DGKB: variants seen among roughly 807,000 people sequenced by gnomAD.
DGKB encodes the protein 90 kDa diacylglycerol kinase.
DGKB carries 67 observed loss-of-function variants against 114.3 expected under a neutral mutation model. The observed-to-expected ratio is 0.59, with a 90% CI of 0.48 to 0.72. The LOEUF is 0.72. Ranked by LOEUF, DGKB falls within the 30% of genes least tolerant of loss-of-function variation. The pLI is 0.00. For synonymous variants in DGKB, 398 were observed against 323.1 expected (o/e 1.23, Z -2.49); for missense variants, 907 against 975.2 (o/e 0.93, Z 0.93).
At chr7:14,485,206 G>C (rs1584308006) in intron 20 of DGKB, among the ~76,000 whole-genome samples, 1 of 150,998 alleles carries the variant, frequency 6.6e-6, no homozygotes, top group East Asian at 2.0e-4. Flanking sequence ...TCTGAGGAAT[G>C]ATACAAGCTC....
chr7:14,921,781 A>G (rs1002847726), intron 1 of DGKB, among the ~76,000 whole-genome samples: 2 of 152,170 alleles, frequency 1.3e-5, no homozygotes, highest in African/African-American at 4.8e-5. Context: ...TTTGACAACT[A>G]TACTAAGGAA....
intron 20 of DGKB, among the ~76,000 whole-genome samples, chr7:14,528,444 T>A (rs190089250): frequency 6.6e-6 from 1 of 152,226 alleles, no homozygotes; most frequent in African/African-American, 2.4e-5. Context: ...AGGGTGACTA[T>A]GTAATCAAAG....
chr7:14,499,217 C>T (rs1005334366), intron 20 of DGKB, among the ~76,000 whole-genome samples: 2 of 151,524 alleles, frequency 1.3e-5, no homozygotes, highest in Admixed American at 6.6e-5. Context: ...ATTTTCTGCC[C>T]CTTTTACTGC....
intron 21 of DGKB, among the ~76,000 whole-genome samples, chr7:14,461,532 C>T (rs1833082697): frequency 6.6e-6 from 1 of 152,100 alleles, no homozygotes; most frequent in African/African-American, 2.4e-5. Flanking sequence ...TGGACACATA[C>T]ACCCTCCCAA....
intron 7 of DGKB, among the ~76,000 whole-genome samples, chr7:14,698,624 T>C (rs546413986): frequency 3.3e-5 from 5 of 152,230 alleles, no homozygotes; most frequent in East Asian, 3.9e-4. Context: ...TAGTCATGTA[T>C]TGAATAATTT....
At chr7:14,493,867 T>C (rs1426752092) in intron 20 of DGKB, among the ~76,000 whole-genome samples, 1 of 151,724 alleles carries the variant, frequency 6.6e-6, no homozygotes, top group African/African-American at 2.4e-5. Context: ...TTATCCAGCA[T>C]GTAAACTTCT....
At chr7:14,320,552 C>CTATATAGTACATATATATATGTGTACA (rs1354916675) in intron 23 of DGKB, among the ~76,000 whole-genome samples, 13 of 150,418 alleles carry the variant, frequency 8.6e-5, no homozygotes, top group Non-Finnish European at 1.8e-4. Context: ...CATATATGTA[C>CTATATAGTACATATATATATGTGTACA]TATATAGTAC....
chr7:14,502,526 C>T (rs1366185442), intron 20 of DGKB, among the ~76,000 whole-genome samples: 1 of 152,042 alleles, frequency 6.6e-6, no homozygotes, highest in Non-Finnish European at 1.5e-5. Flanking sequence ...CCAAACACAA[C>T]TATACTATCA....
chr7:14,574,143 A>G, intron 20 of DGKB, 69 bp downstream of exon 20: 3 of 1,211,172 alleles, frequency 2.5e-6, no homozygotes, highest in South Asian at 1.9e-5. Context: ...AAATTTTCAT[A>G]GTTTAAAAGT....
chr7:14,647,974 C>A (rs1168000645), intron 13 of DGKB, among the ~76,000 whole-genome samples: 3 of 152,222 alleles, frequency 2.0e-5, no homozygotes, highest in African/African-American at 7.2e-5. Flanking sequence ...TTATATCCTG[C>A]ACCTGGCTCA....
intron 21 of DGKB, among the ~76,000 whole-genome samples, chr7:14,351,896 G>T (rs1026074601): frequency 6.6e-6 from 1 of 152,052 alleles, no homozygotes; most frequent in Non-Finnish European, 1.5e-5. Flanking sequence ...ACAGAAATGT[G>T]TACTTTTTTT....
chr7:14,300,639 A>G (rs1217763211), intron 23 of DGKB, among the ~76,000 whole-genome samples: 3 of 152,006 alleles, frequency 2.0e-5, no homozygotes, highest in Non-Finnish European at 4.4e-5. Context: ...TCTACATTAG[A>G]TCTTTTTGTT....
chr7:14,723,752 C>A (rs1423152307), intron 5 of DGKB, among the ~76,000 whole-genome samples: 1 of 152,100 alleles, frequency 6.6e-6, no homozygotes, highest in Non-Finnish European at 1.5e-5. Flanking sequence ...CACATACATA[C>A]ATACACACAT....
chr7:14,555,390 G>C lies in DGKB; in HGVS notation c.1770+18822C>G, dbSNP rs112677880. Reference sequence around the variant, plus strand: ...ACGGCAAGGAAATTGACCATTGTAGGACATTATTTCAGAATATTTTAATGG... The same window carrying C: ...ACGGCAAGGAAATTGACCATTGTAGCACATTATTTCAGAATATTTTAATGG... On this transcript the variant is annotated intron_variant, in intron 20 of 25. Transcript: ENST00000402815. Among the ~76,000 whole-genome samples, 558 of 152,198 alleles carry C rather than the reference G, an allele frequency of 3.7e-3. 1 individual carries two copies. Among genetic ancestry groups the C allele is most frequent in the African/African-American group, 0.013 (528 of 41,542 alleles).
At chr7:14,923,957 C>T (rs1158361921) in intron 1 of DGKB, among the ~76,000 whole-genome samples, 3 of 128,360 alleles carry the variant, frequency 2.3e-5, no homozygotes, top group Non-Finnish European at 4.5e-5. Flanking sequence ...GCACTCCAAC[C>T]TGGGCAACAC....
intron 20 of DGKB, among the ~76,000 whole-genome samples, chr7:14,495,119 T>A (rs1179745126): frequency 2.0e-5 from 3 of 151,808 alleles, no homozygotes; most frequent in Admixed American, 1.3e-4. Context: ...CTAGATGTAG[T>A]CCCCACTAAT....
chr7:14,663,130 G>A (rs969690058), intron 13 of DGKB, among the ~76,000 whole-genome samples: 1 of 151,882 alleles, frequency 6.6e-6, no homozygotes, highest in African/African-American at 2.4e-5. Flanking sequence ...AAATACAAAT[G>A]GTATACTGCC....
chr7:14,544,734 A>C (rs1794013423), intron 20 of DGKB, among the ~76,000 whole-genome samples: 2 of 152,324 alleles, frequency 1.3e-5, no homozygotes, highest in Admixed American at 1.3e-4. Flanking sequence ...AATGATAATA[A>C]AAACTTGACA....
intron 1 of DGKB, among the ~76,000 whole-genome samples, chr7:14,934,146 G>T (rs1418361929): frequency 6.6e-6 from 1 of 152,112 alleles, no homozygotes; most frequent in African/African-American, 2.4e-5. Flanking sequence ...CAATAAACAA[G>T]ATTTCAGTGC....
Sources: allele counts gnomAD v4.1 joint callset (sites outside exome capture counted in the v4.1 genomes callset), GRCh38; gene constraint gnomAD v4.1.1; transcripts MANE v1.5; gene names NCBI Gene and HGNC (gene_info 2026-07-23, HGNC 2026-07-21).